Variants in LRMDA observed in about 807,000 individuals in gnomAD.
The protein encoded by LRMDA is leucine-rich melanocyte differentiation-associated protein.
A neutral mutation model predicts 29.8 loss-of-function variants in LRMDA; 18 were observed. That is an observed-to-expected ratio of 0.60 (90% CI 0.42 to 0.90). The LOEUF (loss-of-function observed/expected upper bound fraction) is 0.90. Among genes scored for constraint, LRMDA ranks in the 40% least tolerant of loss-of-function variants. The pLI is 0.00. For missense variants in LRMDA, 273 were observed against 273.9 expected (o/e 1.00, Z 0.02); for synonymous variants, 125 against 109.4 (o/e 1.14, Z -0.89).
chr10:76,283,876 G>A (rs762542659), intron 5 of LRMDA, among the ~76,000 whole-genome samples: 32 of 152,016 alleles, frequency 2.1e-4, no homozygotes, highest in Non-Finnish European at 3.8e-4. Context: ...CTATTGCCCA[G>A]GCTGATCTTG....
At chr10:75,473,370 A>G (rs773639260) in intron 2 of LRMDA, among the ~76,000 whole-genome samples, 6 of 152,244 alleles carry the variant, frequency 3.9e-5, no homozygotes, top group Non-Finnish European at 7.3e-5. Context: ...AGGAATATAG[A>G]GATGGGTACT....
intron 5 of LRMDA, among the ~76,000 whole-genome samples, chr10:76,163,672 T>C (rs1850687228): frequency 6.6e-6 from 1 of 152,164 alleles, no homozygotes; most frequent in African/African-American, 2.4e-5. Context: ...GCATTTTAAT[T>C]AACTTTACTG....
intron 5 of LRMDA, among the ~76,000 whole-genome samples, chr10:76,097,334 A>G (rs1849328611): frequency 6.6e-6 from 1 of 152,244 alleles, no homozygotes; most frequent in Non-Finnish European, 1.5e-5. Flanking sequence ...AAATAGAGAC[A>G]GTTTTATTTC....
chr10:76,062,951 C>A (rs977361758), intron 5 of LRMDA, among the ~76,000 whole-genome samples: 2 of 152,096 alleles, frequency 1.3e-5, no homozygotes, highest in South Asian at 4.2e-4. Context: ...CGTGTGTGGT[C>A]GGCATGTCAG....
At chr10:75,459,000 A>ATT (rs35375766) in intron 2 of LRMDA, among the ~76,000 whole-genome samples, 115 of 148,408 alleles carry the variant, frequency 7.7e-4, no homozygotes, top group South Asian at 1.1e-3. Flanking sequence ...TCTGCTTTAG[A>ATT]TTTTTTTTTT....
intron 5 of LRMDA, among the ~76,000 whole-genome samples, chr10:76,064,776 T>C (rs1848756958): frequency 6.6e-6 from 1 of 152,222 alleles, no homozygotes; most frequent in Non-Finnish European, 1.5e-5. Context: ...TAAATAAACA[T>C]TATAAATCAC....
intron 5 of LRMDA, among the ~76,000 whole-genome samples, chr10:76,095,933 A>C (rs1849305562): frequency 6.7e-6 from 1 of 149,762 alleles, no homozygotes. Flanking sequence ...AGACAGCGAG[A>C]CTCCGTCTCA....
intron 2 of LRMDA, among the ~76,000 whole-genome samples, chr10:75,694,597 CT>C (rs1447223919): frequency 6.6e-6 from 1 of 152,166 alleles, no homozygotes; most frequent in Non-Finnish European, 1.5e-5. Context: ...TTTTTAATCT[CT>C]AATAGAGTAC....
intron 5 of LRMDA, among the ~76,000 whole-genome samples, chr10:76,232,146 T>A (rs934401028): frequency 6.6e-6 from 1 of 152,202 alleles, no homozygotes; most frequent in African/African-American, 2.4e-5. Flanking sequence ...AAACTTGGTT[T>A]TAGGGAACAC....
In LRMDA at chr10:76,147,957, C is replaced by A. The variant is rs563462566; in HGVS notation, c.516+89174C>A. On this transcript the variant is annotated intron_variant, in intron 5 of 6. Transcript: ENST00000611255. ...GAGTTTGCTAGAGGTCCACTCTAGA[C>A]CCTGTTTGCCTGGGTATCACCAGTG... Among the ~76,000 whole-genome samples the A allele has an allele frequency of 7.9e-5, 12 of 152,296 alleles. No homozygotes were observed. The East Asian group carries it at 2.1e-3, about 27-fold the overall frequency.
At chr10:76,355,445 A>G (rs930335162) in intron 6 of LRMDA, among the ~76,000 whole-genome samples, 2 of 152,242 alleles carry the variant, frequency 1.3e-5, no homozygotes, top group Non-Finnish European at 2.9e-5. Flanking sequence ...GGATTAATTT[A>G]GTTCCATAAA....
At chr10:75,810,663 G>GTTTGCTTTGTT (rs1843942345) in intron 2 of LRMDA, among the ~76,000 whole-genome samples, 1 of 152,156 alleles carries the variant, frequency 6.6e-6, no homozygotes, top group African/African-American at 2.4e-5. Flanking sequence ...GATCAGAGGG[G>GTTTGCTTTGTT]TTTGCTTTGT....
intron 2 of LRMDA, among the ~76,000 whole-genome samples, chr10:75,501,660 A>G (rs1157851133): frequency 6.6e-6 from 1 of 152,244 alleles, no homozygotes; most frequent in African/African-American, 2.4e-5. Context: ...AGAGTCCAGA[A>G]TAATCAAGAG....
At chr10:75,529,595 C>T (rs1295325960) in intron 2 of LRMDA, among the ~76,000 whole-genome samples, 1 of 152,294 alleles carries the variant, frequency 6.6e-6, no homozygotes, top group African/African-American at 2.4e-5. Context: ...GGAGAGAAAG[C>T]TCCAGGAGCA....
intron 6 of LRMDA, among the ~76,000 whole-genome samples, chr10:76,538,521 TA>T (rs1196435082): frequency 6.8e-6 from 1 of 147,348 alleles, no homozygotes; most frequent in Non-Finnish European, 1.5e-5. Flanking sequence ...TGTATATACA[TA>T]TTTATATACA....
At chr10:75,724,607 G>A (rs1406336223) in intron 2 of LRMDA, among the ~76,000 whole-genome samples, 1 of 152,112 alleles carries the variant, frequency 6.6e-6, no homozygotes, top group African/African-American at 2.4e-5. Context: ...TTGTCTTGCC[G>A]GCTTTTCTGT....
chr10:76,091,865 A>AT (rs34212032), intron 5 of LRMDA, among the ~76,000 whole-genome samples: 60,405 of 151,542 alleles, frequency 0.4, 12,522 homozygotes, highest in Non-Finnish European at 0.43. Context: ...TAAAAAAAAA[A>AT]TTTTTTTGTA....
intron 2 of LRMDA, among the ~76,000 whole-genome samples, chr10:75,877,143 T>A (rs1845211972): frequency 6.6e-6 from 1 of 152,172 alleles, no homozygotes; most frequent in South Asian, 2.1e-4. Flanking sequence ...GAATCTCCAG[T>A]TCATATTCTT....
chr10:75,979,660 C>T (rs1847131616), intron 2 of LRMDA, among the ~76,000 whole-genome samples: 1 of 151,932 alleles, frequency 6.6e-6, no homozygotes, highest in African/African-American at 2.4e-5. Context: ...TTCCCTTTTC[C>T]CCTTCTCTGT....
Sources: gnomAD v4.1 joint callset for allele counts (sites outside exome capture counted in the v4.1 genomes callset) on GRCh38, gnomAD v4.1.1 for gene constraint, MANE v1.5 for transcripts, NCBI Gene and HGNC (gene_info 2026-07-23, HGNC 2026-07-21) for gene names.